The following AEBP2 variants were observed in gnomAD, a reference collection of about 807,000 sequenced individuals.
AEBP2 encodes the protein AE binding protein 2, also known as zinc finger protein AEBP2.
AEBP2 carries 10 observed loss-of-function variants against 50.8 expected under a neutral mutation model. The observed-to-expected ratio is 0.20, with a 90% CI of 0.12 to 0.33. The LOEUF (loss-of-function observed/expected upper bound fraction) is 0.33. Among genes scored for constraint, AEBP2 ranks in the 10% least tolerant of loss-of-function variants. The pLI is 1.00. For missense variants in AEBP2, 570 were observed against 688.0 expected, an observed-to-expected ratio of 0.83 and a Z score of 1.92; for synonymous variants, 296 against 261.3, an observed-to-expected ratio of 1.13 and a Z score of -1.28.
intron 1 of AEBP2, among the ~76,000 whole-genome samples, chr12:19,426,495 G>C (rs1592708194): frequency 6.6e-6 from 1 of 152,178 alleles, no homozygotes; most frequent in East Asian, 1.9e-4. Flanking sequence ...CAGCATAAAA[G>C]AGTCTGGGAA....
chr12:19,452,295 A>AT (rs776422800), intron 1 of AEBP2, among the ~76,000 whole-genome samples: 30 of 152,118 alleles, frequency 2.0e-4, no homozygotes, highest in Non-Finnish European at 3.5e-4. Flanking sequence ...TCCTGGCCAA[A>AT]AGTGGCCATC....
intron 1 of AEBP2, among the ~76,000 whole-genome samples, chr12:19,449,255 T>C (rs968008813): frequency 2.2e-4 from 33 of 152,192 alleles, no homozygotes; most frequent in African/African-American, 7.7e-4. Flanking sequence ...GTGTTCTTCA[T>C]AGTGGATTTC....
Position 19,439,628 on chromosome 12 carries a change from G to A in AEBP2, c.-72G>A. 6.7e-7 allele frequency: 1 copy of A among 1,485,514 alleles called. No individual in the cohort carries two copies. The highest frequency in any genetic ancestry group is 8.9e-7 in the Non-Finnish European group (1 of 1,120,952). The allele number at this position is 1,485,514 out of a possible 1,614,324, so 92.0% of individuals were successfully genotyped here. On this transcript the variant is annotated 5_prime_UTR_variant, in exon 1 of 8. Coordinates refer to ENST00000266508, the MANE Select transcript of AEBP2 (RefSeq NM_153207.5). ...CGGAGTTTTGGGCGTTTGGGAGGGG[G>A]GCGAGGGAGAGAGAGTCGAGAGAGG...
intron 1 of AEBP2, among the ~76,000 whole-genome samples, chr12:19,406,273 T>C (rs904018710): frequency 4.6e-5 from 7 of 152,164 alleles, no homozygotes; most frequent in Non-Finnish European, 1.0e-4. Context: ...CCTACATTGA[T>C]ACATCATTAT....
At position 19,415,663 on chromosome 12, in the gene AEBP2, A is replaced by ACAC. The variant is rs1565694869; in HGVS notation, c.-17+11447_-17+11448insCAC. Among the ~76,000 whole-genome samples the ACAC allele has an allele frequency of 2.6e-3, 380 of 145,336 alleles. 1 individual carries two copies. Among genetic ancestry groups the ACAC allele is most frequent in the African/African-American group, 9.2e-3 (359 of 39,092 alleles). ...AGAGATGAGAGATTAAATCAATACAATACAATACAATACAATACAATACAA... is the reference window on the plus strand; with the variant it reads ...AGAGATGAGAGATTAAATCAATACAACACTACAATACAATACAATACAATACAA... On this transcript the variant is annotated intron_variant, in intron 1 of 3. Coordinates refer to the AEBP2 transcript ENST00000538425.
intron 3 of AEBP2, among the ~76,000 whole-genome samples, chr12:19,483,229 A>G (rs981284921): frequency 2.0e-5 from 3 of 152,122 alleles, no homozygotes; most frequent in African/African-American, 7.2e-5. Flanking sequence ...CCTGGGCTCT[A>G]GCTAGAGGCT....
intron 7 of AEBP2, among the ~76,000 whole-genome samples, 154 bp downstream of exon 7, chr12:19,514,938 C>T (rs1166002612): frequency 6.6e-6 from 1 of 151,150 alleles, no homozygotes; most frequent in Non-Finnish European, 1.5e-5. Context: ...TGTGGACTCA[C>T]AAAGAGTTAA....
intron 1 of AEBP2, among the ~76,000 whole-genome samples, chr12:19,447,414 A>G (rs556803396): frequency 1.4e-3 from 212 of 152,300 alleles, no homozygotes; most frequent in African/African-American, 4.9e-3. Context: ...AAGAAAAACC[A>G]TGTCTATCTT....
At chr12:19,406,147 G>A (rs2095736163) in intron 1 of AEBP2, among the ~76,000 whole-genome samples, 2 of 151,872 alleles carry the variant, frequency 1.3e-5, no homozygotes, top group Admixed American at 6.6e-5. Context: ...TGCATTTTTA[G>A]TAGAGATGGG....
chr12:19,501,605 G>A (rs2030491683), intron 5 of AEBP2, among the ~76,000 whole-genome samples: 1 of 151,518 alleles, frequency 6.6e-6, no homozygotes, highest in Non-Finnish European at 1.5e-5. Context: ...GCACTGCACT[G>A]CAGCCTGGGC....
chr12:19,495,023 AGCCTTCCGAGCAGCTGGGATTACAG>A (rs1288306017), intron 4 of AEBP2, among the ~76,000 whole-genome samples: 1 of 151,962 alleles, frequency 6.6e-6, no homozygotes, highest in Non-Finnish European at 1.5e-5. Context: ...TCTCTGTCTC[AGCCTTCCGAGCAGCTGGGATTACAG>A]GCACCCGCCA....
At chr12:19,408,902 CAAATAAAT>C (rs35571401) in intron 1 of AEBP2, among the ~76,000 whole-genome samples, 10 of 149,666 alleles carry the variant, frequency 6.7e-5, no homozygotes, top group Non-Finnish European at 8.9e-5. Flanking sequence ...GACTCTGTCT[CAAATAAAT>C]AAATAAATAA....
At chr12:19,430,820 T>C (rs2153365178) in intron 1 of AEBP2, among the ~76,000 whole-genome samples, 1 of 152,254 alleles carries the variant, frequency 6.6e-6, no homozygotes, top group East Asian at 1.9e-4. Context: ...TTTTTGCACA[T>C]TGATTTTGTA....
At chr12:19,494,469 C>T (rs999279684) in intron 4 of AEBP2, among the ~76,000 whole-genome samples, 5 of 148,510 alleles carry the variant, frequency 3.4e-5, no homozygotes, top group Non-Finnish European at 5.9e-5. Context: ...CACCACAAAG[C>T]AATGTGTGTG....
intron 5 of AEBP2, chr12:19,508,943 A>C (rs905019713): frequency 4.5e-6 from 2 of 441,450 alleles, no homozygotes; most frequent in Non-Finnish European, 8.7e-6. Context: ...GCTTTTCTAC[A>C]ATACAGCCTC....
intron 1 of AEBP2, among the ~76,000 whole-genome samples, chr12:19,450,503 G>T (rs1436155947): frequency 6.9e-6 from 1 of 144,690 alleles, no homozygotes; most frequent in Non-Finnish European, 1.5e-5. Context: ...ACTTTTGCTT[G>T]TGTGCTACAC....
intron 1 of AEBP2, among the ~76,000 whole-genome samples, chr12:19,448,464 A>G (rs2153367548): frequency 6.6e-6 from 1 of 151,852 alleles, no homozygotes; most frequent in Middle Eastern, 3.4e-3. Context: ...CAGCCTGGGC[A>G]ACAGAGCAAG....
At position 19,440,399 on chromosome 12, in the gene AEBP2, C is replaced by T. The variant is rs774463361; in HGVS notation, c.671+29C>T. The T allele has an allele frequency of 3.4e-6, 5 of 1,463,814 alleles. No individual in the cohort carries two copies. The African/African-American group carries it at 4.2e-5, about 12-fold the overall frequency. 90.7% of individuals were successfully genotyped at this position (1,463,814 alleles called of 1,614,324 possible). On this transcript the variant is annotated intron_variant, in intron 1 of 7. Transcript: ENST00000266508. Reference sequence around the variant, plus strand: ...AGTGCTCTGAAGCGTTTCCCCTTCCCTTCCTCCTCTTGAACTCCCGGGCCC... The same window carrying T: ...AGTGCTCTGAAGCGTTTCCCCTTCCTTTCCTCCTCTTGAACTCCCGGGCCC...
intron 2 of AEBP2, among the ~76,000 whole-genome samples, chr12:19,472,185 G>T (rs947320632): frequency 3.9e-5 from 6 of 151,970 alleles, no homozygotes; most frequent in African/African-American, 1.5e-4. Context: ...TTTATTTTAG[G>T]CTGGCTGAAG....
Sources: gnomAD v4.1 joint callset for allele counts (sites outside exome capture counted in the v4.1 genomes callset) on GRCh38, gnomAD v4.1.1 for gene constraint, MANE v1.5 for transcripts, NCBI Gene and HGNC (gene_info 2026-07-23, HGNC 2026-07-21) for gene names.